The following PITPNC1 variants were observed in gnomAD, a reference collection of about 807,000 sequenced individuals.
PITPNC1 encodes phosphatidylinositol transfer protein cytoplasmic 1, also known as cytoplasmic phosphatidylinositol transfer protein 1.
In PITPNC1, 18 loss-of-function variants were observed where a neutral mutation model predicts 44.7. The observed-to-expected ratio is 0.40, with a 90% CI of 0.28 to 0.60. The LOEUF (loss-of-function observed/expected upper bound fraction) is 0.60. Ranked by LOEUF, PITPNC1 falls within the 20% of genes least tolerant of loss-of-function variation. The pLI, the probability that PITPNC1 is intolerant of heterozygous loss-of-function variation, is 0.39. For synonymous variants in PITPNC1, 141 were observed against 149.6 expected, an observed-to-expected ratio of 0.94 and a Z score of 0.42; for missense variants, 290 against 418.4, an observed-to-expected ratio of 0.69 and a Z score of 2.68.
intron 1 of PITPNC1, among the ~76,000 whole-genome samples, chr17:67,487,860 C>T (rs1372112893): frequency 6.6e-6 from 1 of 152,090 alleles, no homozygotes; most frequent in Non-Finnish European, 1.5e-5. Context: ...GTAATTTCTC[C>T]CAGGAGATGT....
At chr17:67,646,964 G>C (rs150770589) in intron 6 of PITPNC1, among the ~76,000 whole-genome samples, 14 of 152,282 alleles carry the variant, frequency 9.2e-5, no homozygotes, top group East Asian at 5.8e-4. Context: ...CCTACACCAA[G>C]TAAGATTCCT....
rs1714347272 is a variant in PITPNC1, at chr17:67,692,949, G to T, written c.*61G>T. Reference sequence around the variant, plus strand: ...ATTTGTTGTTGTTGTTTTTTTTTAAGAATCTTCTGATAGAGAAAAAGACTG... The same window carrying T: ...ATTTGTTGTTGTTGTTTTTTTTTAATAATCTTCTGATAGAGAAAAAGACTG... On this transcript the variant is annotated 3_prime_UTR_variant, in exon 9 of 9. Transcript: ENST00000581322. 3.9e-6 allele frequency: 4 copies of T among 1,030,838 alleles called. No homozygotes were observed. The highest frequency in any genetic ancestry group is 5.8e-6 in the Non-Finnish European group (4 of 690,616). The allele number at this position is 1,030,838 out of a possible 1,614,324, so 63.9% of individuals were successfully genotyped here.
intron 6 of PITPNC1, among the ~76,000 whole-genome samples, chr17:67,647,473 T>TTG (rs2042163867): frequency 5.4e-5 from 5 of 92,322 alleles, no homozygotes; most frequent in South Asian, 7.2e-4. Context: ...GGTTTTTTTT[T>TTG]TTTTTTTTTT....
chr17:67,460,900 C>A (rs1046504137), intron 1 of PITPNC1, among the ~76,000 whole-genome samples: 17 of 151,392 alleles, frequency 1.1e-4, no homozygotes, highest in Admixed American at 8.6e-4. Context: ...CGCCACCATG[C>A]CTGGCTAATT....
intron 1 of PITPNC1, among the ~76,000 whole-genome samples, chr17:67,502,739 C>CATTGTATTGTATTGT (rs1248101693): frequency 7.5e-6 from 1 of 133,576 alleles, no homozygotes; most frequent in East Asian, 2.1e-4. Context: ...TATTGCATTG[C>CATTGTATTGTATTGT]ATTGCATTGT....
chr17:67,483,975 G>A (rs1826286634), intron 1 of PITPNC1, among the ~76,000 whole-genome samples: 1 of 147,522 alleles, frequency 6.8e-6, no homozygotes, highest in Admixed American at 6.9e-5. Flanking sequence ...CTGGAGTGCC[G>A]TGGCATGATC....
At chr17:67,599,868 C>T (rs1337546215) in intron 5 of PITPNC1, among the ~76,000 whole-genome samples, 1 of 152,112 alleles carries the variant, frequency 6.6e-6, no homozygotes, top group East Asian at 1.9e-4. Flanking sequence ...GTTCCAAACG[C>T]ATAGCAGTGA....
At chr17:67,549,720 G>A (rs751906057) in intron 2 of PITPNC1, among the ~76,000 whole-genome samples, 1 of 152,162 alleles carries the variant, frequency 6.6e-6, no homozygotes, top group Non-Finnish European at 1.5e-5. Flanking sequence ...TATGCATGAG[G>A]ATTGGAGTGA....
At chr17:67,629,362 T>C (rs772440428) in intron 5 of PITPNC1, among the ~76,000 whole-genome samples, 5 of 151,790 alleles carry the variant, frequency 3.3e-5, no homozygotes, top group Non-Finnish European at 5.9e-5. Flanking sequence ...AATGTCCACC[T>C]CCCAGGTTCA....
At chr17:67,412,088 C>A (rs2143845686) in intron 1 of PITPNC1, among the ~76,000 whole-genome samples, 1 of 152,276 alleles carries the variant, frequency 6.6e-6, no homozygotes, top group South Asian at 2.1e-4. Flanking sequence ...TTTTCTGTGA[C>A]CCACAGTTTC....
chr17:67,607,723 T>C (rs1439749504), intron 5 of PITPNC1, among the ~76,000 whole-genome samples: 1 of 150,722 alleles, frequency 6.6e-6, no homozygotes, highest in Non-Finnish European at 1.5e-5. Context: ...CTTAACTTTT[T>C]TTTCTTTCTT....
intron 6 of PITPNC1, among the ~76,000 whole-genome samples, chr17:67,637,302 C>T (rs182757897): frequency 2.9e-4 from 44 of 150,644 alleles, no homozygotes; most frequent in Non-Finnish European, 4.9e-4. Flanking sequence ...TTTTTTTAAT[C>T]GGAGGCATCC....
intron 1 of PITPNC1, among the ~76,000 whole-genome samples, chr17:67,381,404 C>G (rs2037957533): frequency 6.7e-6 from 1 of 149,742 alleles, no homozygotes; most frequent in South Asian, 2.1e-4. Flanking sequence ...ACTTTTGCTT[C>G]CACTCTTGGT....
At chr17:67,613,630 G>A (rs1027768889) in intron 5 of PITPNC1, 11 of 152,124 alleles carry the variant, frequency 7.2e-5, no homozygotes, top group African/African-American at 2.7e-4. Context: ...GGCCAGCCTG[G>A]TCAACATGGT....
chr17:67,691,961 A>G (rs577025336), intron 8 of PITPNC1, among the ~76,000 whole-genome samples: 1 of 152,162 alleles, frequency 6.6e-6, no homozygotes, highest in African/African-American at 2.4e-5. Flanking sequence ...GTGAGTCATG[A>G]TCGCACCACT....
chr17:67,654,496 ATC>A (rs2042242145), intron 6 of PITPNC1, among the ~76,000 whole-genome samples: 2 of 152,224 alleles, frequency 1.3e-5, no homozygotes, highest in African/African-American at 4.8e-5. Flanking sequence ...GCACTACAGC[ATC>A]TCTCAGGGCA....
chr17:67,402,029 A>G (rs2038322611), intron 1 of PITPNC1, among the ~76,000 whole-genome samples: 1 of 152,110 alleles, frequency 6.6e-6, no homozygotes, highest in Non-Finnish European at 1.5e-5. Context: ...GTTACAGCAG[A>G]GGTCAACTAA....
intron 6 of PITPNC1, among the ~76,000 whole-genome samples, chr17:67,633,514 A>G (rs185676934): frequency 1.4e-4 from 22 of 152,318 alleles, no homozygotes; most frequent in Non-Finnish European, 2.8e-4. Flanking sequence ...GCTGATGTGG[A>G]TCACTCTGTG....
chr17:67,494,987 A>AC (rs1189619066), intron 1 of PITPNC1, among the ~76,000 whole-genome samples: 42 of 149,816 alleles, frequency 2.8e-4, no homozygotes, highest in African/African-American at 1.0e-3. Context: ...GCAAAAAAAA[A>AC]CAGCAACAAC....
Sources: allele counts gnomAD v4.1 joint callset (sites outside exome capture counted in the v4.1 genomes callset), GRCh38; gene constraint gnomAD v4.1.1; transcripts MANE v1.5; gene names NCBI Gene and HGNC (gene_info 2026-07-23, HGNC 2026-07-21).